The following PDLIM5 variants were observed in gnomAD, a reference collection of about 807,000 sequenced individuals.
PDLIM5 encodes the protein PDZ and LIM domain protein 5.
In PDLIM5, 34 loss-of-function variants were observed where a neutral mutation model predicts 64.2. That is an observed-to-expected ratio of 0.53 (90% CI 0.40 to 0.71). The LOEUF is 0.71. Among genes scored for constraint, PDLIM5 ranks in the 30% least tolerant of loss-of-function variants. The pLI is 0.00. For missense variants in PDLIM5, 683 were observed against 733.6 expected (o/e 0.93, Z 0.80); for synonymous variants, 253 against 269.1 (o/e 0.94, Z 0.59).
intron 3 of PDLIM5, among the ~76,000 whole-genome samples, chr4:94,553,763 T>G (rs1041695944): frequency 2.0e-4 from 31 of 152,272 alleles, no homozygotes; most frequent in African/African-American, 7.2e-4. Flanking sequence ...TGTGTTATGT[T>G]TACCACCTGC....
chr4:94,562,880 T>C (rs1733965753), intron 3 of PDLIM5, among the ~76,000 whole-genome samples: 1 of 152,118 alleles, frequency 6.6e-6, no homozygotes, highest in Non-Finnish European at 1.5e-5. Context: ...AGAATATAAT[T>C]TATGTTTTCT....
At chr4:94,466,825 T>A (rs1724409254) in intron 2 of PDLIM5, among the ~76,000 whole-genome samples, 1 of 152,210 alleles carries the variant, frequency 6.6e-6, no homozygotes, top group Non-Finnish European at 1.5e-5. Context: ...AACACCTTTA[T>A]GACAAATGAA....
chr4:94,569,724 C>A (rs955674427), intron 3 of PDLIM5, among the ~76,000 whole-genome samples: 2 of 152,090 alleles, frequency 1.3e-5, no homozygotes, highest in African/African-American at 2.4e-5. Context: ...TATGGATATG[C>A]GGTTGAGTGC....
At chr4:94,625,268 A>T (rs1009407310) in intron 8 of PDLIM5, among the ~76,000 whole-genome samples, 6 of 152,092 alleles carry the variant, frequency 3.9e-5, no homozygotes, top group African/African-American at 1.2e-4. Context: ...GTGTGTACAC[A>T]CAACTCCCAG....
intron 6 of PDLIM5, 39 bp from the exon 7 acceptor site, chr4:94,586,368 CA>C: frequency 8.6e-7 from 1 of 1,159,246 alleles, no homozygotes; most frequent in Non-Finnish European, 1.3e-6. Context: ...TGAAGTTAAA[CA>C]AAACAAACTA....
intron 8 of PDLIM5, among the ~76,000 whole-genome samples, chr4:94,620,851 A>G (rs1346561116): frequency 6.6e-6 from 1 of 151,826 alleles, no homozygotes; most frequent in Non-Finnish European, 1.5e-5. Context: ...AGGTCAGGAG[A>G]TCGAGACCAT....
intron 2 of PDLIM5, among the ~76,000 whole-genome samples, chr4:94,471,486 A>G (rs1007274969): frequency 3.2e-4 from 49 of 151,982 alleles, no homozygotes; most frequent in African/African-American, 1.2e-3. Flanking sequence ...TTAGTACTGT[A>G]TTTTTCTTGC....
chr4:94,604,894 C>T (rs1198544873), intron 7 of PDLIM5, among the ~76,000 whole-genome samples: 1 of 152,028 alleles, frequency 6.6e-6, no homozygotes, highest in Admixed American at 6.6e-5. Context: ...TGCAAATTGT[C>T]CATTGAATTT....
At chr4:94,535,945 A>G (rs1731289182) in intron 3 of PDLIM5, among the ~76,000 whole-genome samples, 1 of 148,704 alleles carries the variant, frequency 6.7e-6, no homozygotes, top group Non-Finnish European at 1.5e-5. Context: ...TAAGTATTGT[A>G]TTGCAGTTTT....
chr4:94,457,098 T>A (rs1420396151), intron 2 of PDLIM5: 1 of 855,462 alleles, frequency 1.2e-6, no homozygotes, highest in African/African-American at 1.8e-5. Flanking sequence ...ATACTCTGCA[T>A]CTTGTATGTG....
chr4:94,562,287 C>T (rs1250306743), intron 3 of PDLIM5, among the ~76,000 whole-genome samples: 1 of 152,064 alleles, frequency 6.6e-6, no homozygotes, highest in Non-Finnish European at 1.5e-5. Context: ...AGCATCCTTT[C>T]CCCCAAGCTA....
chr4:94,633,059 TA>T (rs1478031087), intron 8 of PDLIM5, among the ~76,000 whole-genome samples: 1 of 152,212 alleles, frequency 6.6e-6, no homozygotes, highest in Non-Finnish European at 1.5e-5. Flanking sequence ...TATTAAGGAA[TA>T]TTTTTAAGTG....
intron 3 of PDLIM5, among the ~76,000 whole-genome samples, chr4:94,569,541 A>G (rs1251755410): frequency 6.6e-6 from 1 of 152,090 alleles, no homozygotes; most frequent in Non-Finnish European, 1.5e-5. Flanking sequence ...GCTGGTCTCA[A>G]ACTCCTGACC....
At chr4:94,597,594 C>A (rs1737166392) in intron 7 of PDLIM5, among the ~76,000 whole-genome samples, 1 of 151,730 alleles carries the variant, frequency 6.6e-6, no homozygotes, top group African/African-American at 2.4e-5. Context: ...GGATTTGAAG[C>A]CCCCCATACA....
At chr4:94,636,726 G>A (rs1232521965) in intron 8 of PDLIM5, among the ~76,000 whole-genome samples, 2 of 151,854 alleles carry the variant, frequency 1.3e-5, no homozygotes, top group African/African-American at 4.8e-5. Context: ...TAGTAGAGAC[G>A]GGGTTTCACC....
At chr4:94,579,856 A>G (rs922075304) in intron 5 of PDLIM5, among the ~76,000 whole-genome samples, 2 of 152,206 alleles carry the variant, frequency 1.3e-5, no homozygotes, top group African/African-American at 4.8e-5. Context: ...AAGAGAAAGC[A>G]TAAACATTTA....
chr4:94,608,145 C>T, intron 7 of PDLIM5: 1 of 1,530,854 alleles, frequency 6.5e-7, no homozygotes. Flanking sequence ...AGCCAAGTGG[C>T]CACACTTTCT....
intron 2 of PDLIM5, among the ~76,000 whole-genome samples, chr4:94,522,945 A>G (rs1286813667): frequency 6.6e-6 from 1 of 152,148 alleles, no homozygotes; most frequent in Non-Finnish European, 1.5e-5. Flanking sequence ...CTAGATATCT[A>G]TGAAAAGTTC....
chr4:94,471,902 C>G (rs1724905080), intron 2 of PDLIM5, among the ~76,000 whole-genome samples: 1 of 151,914 alleles, frequency 6.6e-6, no homozygotes, highest in Non-Finnish European at 1.5e-5. Flanking sequence ...TTACAAAGAT[C>G]TTATAAGTAT....
Sources: gnomAD v4.1 joint callset for allele counts (sites outside exome capture counted in the v4.1 genomes callset) on GRCh38, gnomAD v4.1.1 for gene constraint, MANE v1.5 for transcripts, NCBI Gene and HGNC (gene_info 2026-07-23, HGNC 2026-07-21) for gene names.